Variants in PPP6R3 observed in about 807,000 individuals in gnomAD.
PPP6R3 encodes the protein protein phosphatase 6 regulatory subunit 3, also known as serine/threonine-protein phosphatase 6 regulatory subunit 3.
PPP6R3 carries 38 observed loss-of-function variants against 110.7 expected under a neutral mutation model. The observed-to-expected ratio is 0.34, with a 90% CI of 0.26 to 0.45. PPP6R3 has a LOEUF of 0.45. Ranked by LOEUF, PPP6R3 falls within the 20% of genes least tolerant of loss-of-function variation. PPP6R3 has a pLI of 1.00. For missense variants in PPP6R3, 870 were observed against 1,062.4 expected (o/e 0.82, Z 2.52); for synonymous variants, 369 against 373.5 (o/e 0.99, Z 0.14).
chr11:68,467,828 G>A (rs1332298485), intron 1 of PPP6R3, among the ~76,000 whole-genome samples: 3 of 152,228 alleles, frequency 2.0e-5, no homozygotes, highest in East Asian at 1.9e-4. Flanking sequence ...AGGCTGGAGT[G>A]TAGTGGCGCG....
intron 2 of PPP6R3, among the ~76,000 whole-genome samples, chr11:68,520,566 C>A (rs2099159090): frequency 6.6e-6 from 1 of 152,216 alleles, no homozygotes; most frequent in Non-Finnish European, 1.5e-5. Flanking sequence ...GCCCCAGCTC[C>A]TGAAGAACAG....
chr11:68,558,545 A>G, intron 7 of PPP6R3, 21 bp from the exon 8 acceptor site: 1 of 1,515,012 alleles, frequency 6.6e-7, no homozygotes. Flanking sequence ...GCAGTTAGTG[A>G]TTATTGATTT....
At chr11:68,548,636 A>G (rs1320001936) in intron 5 of PPP6R3, among the ~76,000 whole-genome samples, 1 of 152,162 alleles carries the variant, frequency 6.6e-6, no homozygotes, top group African/African-American at 2.4e-5. Context: ...GTGTTGATGT[A>G]TCCAGGGATT....
At chr11:68,507,558 A>G (rs2099085384) in intron 1 of PPP6R3, among the ~76,000 whole-genome samples, 1 of 152,082 alleles carries the variant, frequency 6.6e-6, no homozygotes, top group African/African-American at 2.4e-5. Context: ...AAAATGGTGA[A>G]CAAGTCCTTG....
rs369915758 is a variant in PPP6R3, at chr11:68,474,722, T to C, written c.-158+13895T>C. ...CTGTCTCAGATTTTTAAATTACTTA[T>C]TTGGATGTTTTAATATTTATAGGAT... On this transcript the variant is annotated intron_variant, in intron 1 of 23. Coordinates refer to ENST00000393800, the MANE Select transcript of PPP6R3 (RefSeq NM_001164161.2). Among the ~76,000 whole-genome samples, 21 of 152,274 alleles carry C rather than the reference T, an allele frequency of 1.4e-4. No individual in the cohort carries two copies. In the East Asian group the frequency reaches 1.9e-3, roughly 14 times the overall value.
At chr11:68,593,081 A>G (rs992296690) in intron 18 of PPP6R3, among the ~76,000 whole-genome samples, 4 of 152,334 alleles carry the variant, frequency 2.6e-5, no homozygotes, top group Admixed American at 2.6e-4. Context: ...TACAGTGTGG[A>G]AATTTCAACA....
chr11:68,581,822 C>G (rs139514810), intron 14 of PPP6R3, among the ~76,000 whole-genome samples: 1 of 152,320 alleles, frequency 6.6e-6, no homozygotes, highest in Non-Finnish European at 1.5e-5. Flanking sequence ...AGGCCAGATT[C>G]ACAAACAGAA....
rs1944822809 is a variant in PPP6R3, at chr11:68,614,518, A to G, written c.*1401A>G. 9.1e-6 allele frequency: 13 copies of G among 1,428,124 alleles called. No homozygotes were observed. Among genetic ancestry groups the G allele is most frequent in the Middle Eastern group, 2.6e-4 (1 of 3,898 alleles). 88.5% of individuals were successfully genotyped at this position (1,428,124 alleles called of 1,614,324 possible). Reference sequence around the variant, plus strand: ...AGGATATTCTGAAAAATGGCCAACAATTTTTTTAGAAGTAGCATCCCAAGC... The same window carrying G: ...AGGATATTCTGAAAAATGGCCAACAGTTTTTTTAGAAGTAGCATCCCAAGC... On this transcript the variant is annotated 3_prime_UTR_variant, in exon 24 of 24. Coordinates refer to ENST00000393800, the MANE Select transcript of PPP6R3 (RefSeq NM_001164161.2).
chr11:68,598,869 C>G (rs377698944), intron 19 of PPP6R3, among the ~76,000 whole-genome samples: 1 of 152,142 alleles, frequency 6.6e-6, no homozygotes, highest in South Asian at 2.1e-4. Flanking sequence ...TTCAAACATT[C>G]AAGCATTTAT....
At chr11:68,547,386 G>A (rs1165428675) in intron 4 of PPP6R3, among the ~76,000 whole-genome samples, 2 of 152,216 alleles carry the variant, frequency 1.3e-5, no homozygotes, top group Non-Finnish European at 2.9e-5. Flanking sequence ...CAACAAGGCT[G>A]TATGGGACAC....
chr11:68,587,662 TAATTCAC>T, intron 15 of PPP6R3: 1 of 510,250 alleles, frequency 2.0e-6, no homozygotes, highest in South Asian at 2.0e-5. Flanking sequence ...TCTCTAAAGA[TAATTCAC>T]AATAGAGGAC....
intron 1 of PPP6R3, among the ~76,000 whole-genome samples, chr11:68,500,673 T>C (rs1209327759): frequency 6.6e-6 from 1 of 152,190 alleles, no homozygotes; most frequent in Non-Finnish European, 1.5e-5. Context: ...AGACAGGGTT[T>C]CACCATCTTG....
intron 7 of PPP6R3, 71 bp from the exon 8 acceptor site, chr11:68,558,495 G>T: frequency 1.1e-6 from 1 of 925,460 alleles, no homozygotes; most frequent in Non-Finnish European, 1.7e-6. Flanking sequence ...GTCTTGTACC[G>T]TCGTCTTTTT....
chr11:68,572,180 G>T (rs545949563), intron 12 of PPP6R3, among the ~76,000 whole-genome samples: 1 of 152,256 alleles, frequency 6.6e-6, no homozygotes, highest in South Asian at 2.1e-4. Flanking sequence ...TTGTGGCCCA[G>T]TTGACATCTC....
At chr11:68,529,112 C>T (rs529049845) in intron 2 of PPP6R3, among the ~76,000 whole-genome samples, 1 of 152,270 alleles carries the variant, frequency 6.6e-6, no homozygotes, top group East Asian at 1.9e-4. Context: ...TCTTTGTTTC[C>T]CAACATTTTC....
chr11:68,555,718 A>G (rs1466784834), intron 7 of PPP6R3, among the ~76,000 whole-genome samples: 1 of 152,262 alleles, frequency 6.6e-6, no homozygotes, highest in Non-Finnish European at 1.5e-5. Flanking sequence ...TAGATCAGGT[A>G]GCTAATTTCT....
intron 14 of PPP6R3, among the ~76,000 whole-genome samples, chr11:68,578,423 G>A (rs2099540355): frequency 6.6e-6 from 1 of 152,122 alleles, no homozygotes; most frequent in African/African-American, 2.4e-5. Context: ...GCTTGCTTAT[G>A]CCCTGTTCCC....
chr11:68,574,215 C>T lies in PPP6R3; in HGVS notation c.1450C>T (p.Leu484Phe). Residue 484 changes from leucine (L) to phenylalanine (F), a missense_variant, in exon 13 of 24, where the codon CTT becomes TTT. Physicochemically the swap from Leu to Phe is conservative, Grantham distance 22. Coordinates refer to ENST00000393800, the MANE Select transcript of PPP6R3 (RefSeq NM_001164161.2). ...CCCCAACAGTGCATTAGTGCAGCAG[C>T]TTATCAAAGGTAAGTTATTTGTGAA... ...KGPNSALVQQ[L>F]IKDLPDEVRE... 7 of 1,612,118 alleles carry T rather than the reference C, an allele frequency of 4.3e-6. No individual in the cohort carries two copies. The highest frequency in any genetic ancestry group is 5.9e-6 in the Non-Finnish European group (7 of 1,178,414).
intron 10 of PPP6R3, among the ~76,000 whole-genome samples, chr11:68,567,941 T>C (rs987977344): frequency 6.6e-6 from 1 of 152,092 alleles, no homozygotes; most frequent in Non-Finnish European, 1.5e-5. Context: ...CGGGTGAACA[T>C]TACAGTGAGA....
Sources: allele counts gnomAD v4.1 joint callset (sites outside exome capture counted in the v4.1 genomes callset), GRCh38; gene constraint gnomAD v4.1.1; transcripts MANE v1.5; gene names NCBI Gene and HGNC (gene_info 2026-07-23, HGNC 2026-07-21).